SLC5A4: variants seen among roughly 807,000 people sequenced by gnomAD.
SLC5A4 encodes probable glucose sensor protein SLC5A4.
Under a neutral mutation model 70.3 loss-of-function variants are expected in SLC5A4, and 55 were observed. That is an observed-to-expected ratio of 0.78 (90% CI 0.63 to 0.98). SLC5A4 has a LOEUF of 0.98. Ranked by LOEUF, SLC5A4 falls within the 50% of genes least tolerant of loss-of-function variation. The pLI, the probability that SLC5A4 is intolerant of heterozygous loss-of-function variation, is 0.00. For synonymous variants in SLC5A4, 268 were observed against 305.7 expected (o/e 0.88, Z 1.29); for missense variants, 735 against 839.2 (o/e 0.88, Z 1.53).
chr22:32,249,176 C>T (rs1456280753), intron 3 of SLC5A4, among the ~76,000 whole-genome samples: 3 of 152,176 alleles, frequency 2.0e-5, no homozygotes, highest in Non-Finnish European at 2.9e-5. Flanking sequence ...CAGTGCTCCC[C>T]AAGTCTTCCC....
chr22:32,349,776 A>T, the SLC5A4 span, among the ~76,000 whole-genome samples: 1 of 152,162 alleles, frequency 6.6e-6, no homozygotes, highest in Admixed American at 6.5e-5. Context: ...GAGCAGTTCT[A>T]AGTTTTTCTT....
At chr22:32,298,773 G>T in the SLC5A4 span, among the ~76,000 whole-genome samples, 1 of 106,132 alleles carries the variant, frequency 9.4e-6, no homozygotes, top group Non-Finnish European at 2.0e-5. Flanking sequence ...ATTTTGGCAT[G>T]ATTTTGCAGC....
At chr22:32,264,066 A>G in the SLC5A4 span, among the ~76,000 whole-genome samples, 1 of 151,006 alleles carries the variant, frequency 6.6e-6, no homozygotes, top group Non-Finnish European at 1.5e-5. Flanking sequence ...GAGGGAGAGC[A>G]TTAGGAGAAA....
chr22:32,309,797 G>C, the SLC5A4 span, among the ~76,000 whole-genome samples: 1 of 152,026 alleles, frequency 6.6e-6, no homozygotes, highest in African/African-American at 2.4e-5. Flanking sequence ...CAGAGGCTCT[G>C]AGAGGTTAAG....
chr22:32,288,284 A>G, the SLC5A4 span, among the ~76,000 whole-genome samples: 2 of 152,208 alleles, frequency 1.3e-5, no homozygotes, highest in Non-Finnish European at 2.9e-5. Context: ...TACACTTCCT[A>G]CTACCTGGTA....
chr22:32,273,045 A>G, the SLC5A4 span: 5 of 531,582 alleles, frequency 9.4e-6, no homozygotes, highest in Non-Finnish European at 1.9e-5. Flanking sequence ...CAAGAAGATC[A>G]GCACCATATC....
the SLC5A4 span, among the ~76,000 whole-genome samples, chr22:32,295,427 AT>A: frequency 7.1e-4 from 79 of 111,192 alleles, 25 homozygotes; most frequent in African/African-American, 2.4e-3. Flanking sequence ...GATGATGAGC[AT>A]TTTTTCATGT....
At chr22:32,270,394 C>A in the SLC5A4 span, 1 of 1,450,660 alleles carries the variant, frequency 6.9e-7, no homozygotes, top group Non-Finnish European at 9.6e-7. Context: ...CTTTGAGCTT[C>A]CCGGCTGCTA....
the SLC5A4 span, among the ~76,000 whole-genome samples, chr22:32,333,897 CCA>C: frequency 3.4e-5 from 5 of 149,034 alleles, no homozygotes; most frequent in South Asian, 6.3e-4. Flanking sequence ...ACACCCCATG[CCA>C]CACACCATGC....
At chr22:32,306,911 G>A in the SLC5A4 span, among the ~76,000 whole-genome samples, 7 of 41,724 alleles carry the variant, frequency 1.7e-4, no homozygotes, top group Non-Finnish European at 2.8e-4. Context: ...AAGAAGAGGC[G>A]CTCTCTCTTG....
intron 13 of SLC5A4, among the ~76,000 whole-genome samples, chr22:32,222,968 G>A (rs1925170802): frequency 6.6e-6 from 1 of 152,004 alleles, no homozygotes; most frequent in African/African-American, 2.4e-5. Flanking sequence ...ATCTTAGGTG[G>A]ATATGCTCTA....
chr22:32,311,177 G>A, the SLC5A4 span, among the ~76,000 whole-genome samples: 3 of 152,120 alleles, frequency 2.0e-5, no homozygotes, highest in East Asian at 1.9e-4. Flanking sequence ...CTGAGTTCCC[G>A]GCAGAACACT....
chr22:32,263,860 T>C, the SLC5A4 span, among the ~76,000 whole-genome samples: 1 of 152,174 alleles, frequency 6.6e-6, no homozygotes, highest in Non-Finnish European at 1.5e-5. Context: ...CATGGAATAC[T>C]ATGCAGTCAT....
intron 1 of SLC5A4, among the ~76,000 whole-genome samples, chr22:32,254,547 G>A (rs966180869): frequency 6.6e-6 from 1 of 152,186 alleles, no homozygotes; most frequent in Non-Finnish European, 1.5e-5. Context: ...GCTCACGCCT[G>A]TAATTCCAGC....
the SLC5A4 span, among the ~76,000 whole-genome samples, chr22:32,340,681 A>T: frequency 6.6e-6 from 1 of 152,036 alleles, no homozygotes; most frequent in Non-Finnish European, 1.5e-5. Context: ...CGGAGGGGAG[A>T]GGTCTGGTTG....
intron 4 of SLC5A4, among the ~76,000 whole-genome samples, chr22:32,248,435 A>C (rs1165905736): frequency 1.3e-5 from 2 of 152,204 alleles, no homozygotes; most frequent in Non-Finnish European, 2.9e-5. Context: ...GACAATGAGA[A>C]GCCAGACCCC....
the SLC5A4 span, among the ~76,000 whole-genome samples, chr22:32,342,759 G>A: frequency 6.6e-6 from 1 of 152,116 alleles, no homozygotes; most frequent in Non-Finnish European, 1.5e-5. Flanking sequence ...AAACATGCCA[G>A]CTAACATTCT....
At chr22:32,250,759 A>G (rs7292027) in intron 3 of SLC5A4, among the ~76,000 whole-genome samples, 26,897 of 151,962 alleles carry the variant, frequency 0.18, 2,943 homozygotes, top group African/African-American at 0.32. Flanking sequence ...TATATACCAT[A>G]GAATACTACA....
At chr22:32,306,234 G>GACA in the SLC5A4 span, among the ~76,000 whole-genome samples, 1 of 152,194 alleles carries the variant, frequency 6.6e-6, no homozygotes, top group Non-Finnish European at 1.5e-5. Context: ...GGGAGGCCGA[G>GACA]GCAGGCAGAT....
Sources: allele counts gnomAD v4.1 joint callset (sites outside exome capture counted in the v4.1 genomes callset), GRCh38; gene constraint gnomAD v4.1.1; transcripts MANE v1.5; gene names NCBI Gene and HGNC (gene_info 2026-07-23, HGNC 2026-07-21).